PPP1R1C: variants seen among roughly 807,000 people sequenced by gnomAD.
PPP1R1C encodes the protein protein phosphatase 1 regulatory inhibitor subunit 1C.
Under a neutral mutation model 17.4 loss-of-function variants are expected in PPP1R1C, and 15 were observed. That is an observed-to-expected ratio of 0.86 (90% CI 0.58 to 1.33). PPP1R1C has a LOEUF of 1.33. Among genes scored for constraint, PPP1R1C ranks in the 40% most tolerant of loss-of-function variants. The pLI is 0.00. For synonymous variants in PPP1R1C, 35 were observed against 43.1 expected, an observed-to-expected ratio of 0.81 and a Z score of 0.73; for missense variants, 143 against 130.0, an observed-to-expected ratio of 1.10 and a Z score of -0.48.
chr2:181,963,687 GA>G (rs1026414255), intron 1 of PPP1R1C, among the ~76,000 whole-genome samples: 1 of 151,036 alleles, frequency 6.6e-6, no homozygotes, highest in Non-Finnish European at 1.5e-5. Context: ...TTTTTCAAGA[GA>G]AAAAAACCCA....
At chr2:182,006,506 A>T (rs1685928449) in intron 2 of PPP1R1C, among the ~76,000 whole-genome samples, 1 of 152,192 alleles carries the variant, frequency 6.6e-6, no homozygotes, top group Non-Finnish European at 1.5e-5. Context: ...GGTGACACAC[A>T]TTGGTTCTCA....
rs186219053 is a variant in PPP1R1C at position 181,976,149 on chromosome 2, A to G, written n.157+885A>G. 8.4e-3 allele frequency among the ~76,000 whole-genome samples: 1,272 copies of G among 152,206 alleles called. 19 individuals carry two copies. The highest frequency in any genetic ancestry group is 0.029 in the African/African-American group (1,201 of 41,558). On this transcript the variant is annotated intron_variant and non_coding_transcript_variant, in intron 2 of 5. Coordinates refer to the PPP1R1C transcript ENST00000464264. The surrounding 1 kb of genome is among the most constrained non-coding windows in gnomAD (Gnocchi z 4.8). ...ACCATCCAGAGACAACCCCATTAAC[A>G]TCTCAGAATATATTCTTCCAAACAT...
rs1685349550 is a variant in PPP1R1C, at chr2:181,987,875, A to G, written c.118A>G (p.Ile40Val). Residue 40 changes from isoleucine to valine, a missense_variant, in exon 2 of 5, where the codon ATT (isoleucine) becomes GTT (valine). Physicochemically the swap from Ile to Val is conservative, Grantham distance 29 (BLOSUM62 3). Transcript: ENST00000682840. Reference sequence around the variant, plus strand: ...AAGACCTACACCAGCATCACTTGTGATTCTCAATGAGCATAACCCCCCAGG... The same window carrying G: ...AAGACCTACACCAGCATCACTTGTGGTTCTCAATGAGCATAACCCCCCAGG... ...KRRPTPASLVILNEHNPPEID... is the reference protein window; with the variant it reads ...KRRPTPASLVVLNEHNPPEID... 3 of 1,613,252 alleles carry G rather than the reference A, an allele frequency of 1.9e-6. No homozygotes were observed. Among genetic ancestry groups the G allele is most frequent in the Non-Finnish European group, 2.5e-6 (3 of 1,179,516 alleles).
chr2:181,964,517 T>G (rs1700218584), intron 1 of PPP1R1C, among the ~76,000 whole-genome samples: 1 of 152,150 alleles, frequency 6.6e-6, no homozygotes, highest in Non-Finnish European at 1.5e-5. Flanking sequence ...GGTAGCTCTA[T>G]TTTTTAGTTT....
chr2:181,997,754 T>C (rs1685655947), intron 2 of PPP1R1C, among the ~76,000 whole-genome samples: 1 of 152,192 alleles, frequency 6.6e-6, no homozygotes, highest in African/African-American at 2.4e-5. Flanking sequence ...GATGTAGAAA[T>C]TGAGCTCCTC....
At chr2:182,128,321 T>C (rs983356724) in intron 5 of PPP1R1C, among the ~76,000 whole-genome samples, 2 of 152,120 alleles carry the variant, frequency 1.3e-5, no homozygotes, top group East Asian at 3.8e-4. Flanking sequence ...TTATCAAAGC[T>C]GTGTGACATT....
At chr2:182,006,796 C>T (rs567707966) in intron 2 of PPP1R1C, among the ~76,000 whole-genome samples, 1 of 152,250 alleles carries the variant, frequency 6.6e-6, no homozygotes, top group South Asian at 2.1e-4. Flanking sequence ...ATCCTAAAGT[C>T]TTGAGCAATT....
At chr2:182,042,091 C>T (rs922706271) in intron 2 of PPP1R1C, among the ~76,000 whole-genome samples, 3 of 152,042 alleles carry the variant, frequency 2.0e-5, no homozygotes, top group Non-Finnish European at 4.4e-5. Flanking sequence ...ATCTTACTCA[C>T]GTTGAATTGT....
chr2:182,084,348 A>G (rs1390004721), intron 4 of PPP1R1C, among the ~76,000 whole-genome samples: 1 of 152,058 alleles, frequency 6.6e-6, no homozygotes, highest in African/African-American at 2.4e-5. Context: ...TGCCTAGCCA[A>G]TGTCCAGAAG....
intron 4 of PPP1R1C, among the ~76,000 whole-genome samples, chr2:182,074,065 G>A (rs1402727705): frequency 2.7e-5 from 4 of 145,502 alleles, no homozygotes; most frequent in Admixed American, 6.9e-5. Context: ...TTTTTGAGAC[G>A]GAGTCTCACT....
chr2:182,016,801 G>C (rs1455523537), intron 2 of PPP1R1C, among the ~76,000 whole-genome samples: 1 of 152,140 alleles, frequency 6.6e-6, no homozygotes, highest in African/African-American at 2.4e-5. Flanking sequence ...CTGTGAGTCT[G>C]AGTTCCTGAT....
At chr2:181,973,293 G>C (rs760288395) in intron 1 of PPP1R1C, among the ~76,000 whole-genome samples, 3 of 152,018 alleles carry the variant, frequency 2.0e-5, no homozygotes, top group Non-Finnish European at 4.4e-5. Flanking sequence ...TATTTTTAAT[G>C]CTCCGTTATT....
In PPP1R1C at chr2:181,961,572, G is replaced by A. The variant is rs1684795157; in HGVS notation, n.111+6938G>A. ...AGTCCAGGTCCATCTTTAAGGACTGGACTGTACGTCTCAGCTCCGTGAGCG... is the reference window on the plus strand; with the variant it reads ...AGTCCAGGTCCATCTTTAAGGACTGAACTGTACGTCTCAGCTCCGTGAGCG... On this transcript the variant is annotated intron_variant and non_coding_transcript_variant, in intron 1 of 5. Transcript: ENST00000464264. The surrounding 1 kb of genome is among the most constrained non-coding windows in gnomAD (Gnocchi z 5.8). The A allele has an allele frequency of 1.3e-6, 1 of 756,514 alleles. No homozygotes were observed. Among genetic ancestry groups the A allele is most frequent in the East Asian group, 2.5e-5 (1 of 39,722 alleles). 46.9% of individuals were successfully genotyped at this position (756,514 alleles called of 1,614,324 possible). A position where few individuals can be genotyped will look rare whatever the true frequency, so the allele number is the denominator to read the frequency against.
downstream of PPP1R1C, among the ~76,000 whole-genome samples, chr2:182,120,309 C>A (rs1014718259): frequency 1.3e-5 from 2 of 152,022 alleles, no homozygotes; most frequent in African/African-American, 4.8e-5. Context: ...TTACTGTAGC[C>A]TTGTAGCTGA....
intron 2 of PPP1R1C, among the ~76,000 whole-genome samples, chr2:181,980,825 CT>C (rs1465040541): frequency 6.6e-6 from 1 of 152,086 alleles, no homozygotes; most frequent in Non-Finnish European, 1.5e-5. Context: ...CAATTCAGCA[CT>C]CATATACACT....
intron 4 of PPP1R1C, among the ~76,000 whole-genome samples, chr2:182,098,221 A>G (rs1689000108): frequency 6.6e-6 from 1 of 152,170 alleles, no homozygotes; most frequent in Non-Finnish European, 1.5e-5. Flanking sequence ...CCTAGAAAAA[A>G]AAATTCCTCA....
At chr2:182,005,040 T>C (rs1206277125) in intron 2 of PPP1R1C, among the ~76,000 whole-genome samples, 1 of 152,200 alleles carries the variant, frequency 6.6e-6, no homozygotes, top group Non-Finnish European at 1.5e-5. Flanking sequence ...TTCCTGGAAG[T>C]AATGGCTCAA....
At position 182,059,895 on chromosome 2, in the gene PPP1R1C, T is replaced by A. The variant is rs142996248; in HGVS notation, c.143-1547T>A. On this transcript the variant is annotated intron_variant, in intron 2 of 4. Transcript: ENST00000682840. Reference sequence around the variant, plus strand: ...TGTTTCTAAAACATAAAGTTATAGGTCCTGGGTTGGATTTTGTAAACTCCT... The same window carrying A: ...TGTTTCTAAAACATAAAGTTATAGGACCTGGGTTGGATTTTGTAAACTCCT... Among the ~76,000 whole-genome samples, 273 of 152,154 alleles carry A rather than the reference T, an allele frequency of 1.8e-3. 2 individuals carry two copies. The highest frequency in any genetic ancestry group is 3.1e-3 in the East Asian group (16 of 5,182).
At position 181,961,187 on chromosome 2, in the gene PPP1R1C, A is replaced by G. The variant is rs1430971268; in HGVS notation, n.111+6553A>G. The G allele has an allele frequency of 4.7e-6, 4 of 856,632 alleles. No individual in the cohort carries two copies. Among genetic ancestry groups the G allele is most frequent in the Non-Finnish European group, 7.8e-6 (4 of 513,942 alleles). The allele number at this position is 856,632 out of a possible 1,614,324, so 53.1% of individuals were successfully genotyped here. A position where few individuals can be genotyped will look rare whatever the true frequency, so the allele number is the denominator to read the frequency against. On this transcript the variant is annotated intron_variant and non_coding_transcript_variant, in intron 1 of 5. Transcript: ENST00000464264. The surrounding 1 kb of genome is among the most constrained non-coding windows in gnomAD (Gnocchi z 5.8). ...ATTGACCTCCTGCTCCCCAAAGGGT[A>G]CCCTGCTTCTGCTGGCTTGATGTCT... is the stretch of plus-strand genomic sequence containing the variant.
Sources: allele counts gnomAD v4.1 joint callset (sites outside exome capture counted in the v4.1 genomes callset), GRCh38; gene constraint gnomAD v4.1.1; non-coding constraint Gnocchi (gnomAD v3.1); transcripts MANE v1.5; gene names NCBI Gene and HGNC (gene_info 2026-07-23, HGNC 2026-07-21).